Variants in KLHL14 observed in about 807,000 individuals in gnomAD.
KLHL14 encodes the protein kelch-like protein 14.
In KLHL14, 22 loss-of-function variants were observed where a neutral mutation model predicts 64.3. That is an observed-to-expected ratio of 0.34 (90% CI 0.24 to 0.49). KLHL14 has a LOEUF of 0.49. Among genes scored for constraint, KLHL14 ranks in the 20% least tolerant of loss-of-function variants. The pLI is 0.99. For synonymous variants in KLHL14, 322 were observed against 333.4 expected, an observed-to-expected ratio of 0.97 and a Z score of 0.37; for missense variants, 661 against 789.0, an observed-to-expected ratio of 0.84 and a Z score of 1.94.
chr18:32,694,934 G>A (rs2049929773), intron 4 of KLHL14, among the ~76,000 whole-genome samples: 2 of 152,148 alleles, frequency 1.3e-5, no homozygotes, highest in Admixed American at 6.6e-5. Flanking sequence ...TCACATCTAC[G>A]GGGAGGATGG....
At chr18:32,727,757 T>G (rs1598566146) in intron 3 of KLHL14, among the ~76,000 whole-genome samples, 1 of 152,338 alleles carries the variant, frequency 6.6e-6, no homozygotes, top group East Asian at 1.9e-4. Flanking sequence ...TTAATGATTA[T>G]GGTAATGAAA....
chr18:32,764,019 T>C (rs1027980610), intron 2 of KLHL14, among the ~76,000 whole-genome samples: 2 of 152,356 alleles, frequency 1.3e-5, no homozygotes, highest in East Asian at 3.9e-4. Flanking sequence ...TCAGGAATCC[T>C]GACATGCCCT....
intron 3 of KLHL14, among the ~76,000 whole-genome samples, chr18:32,740,287 T>C (rs149576838): frequency 0.013 from 1,912 of 152,322 alleles, 37 homozygotes; most frequent in African/African-American, 0.043. Context: ...AATCAACCTA[T>C]CTTTGAGCAA....
intron 8 of KLHL14, among the ~76,000 whole-genome samples, chr18:32,675,938 A>G (rs1391859315): frequency 6.6e-6 from 1 of 152,154 alleles, no homozygotes; most frequent in Non-Finnish European, 1.5e-5. Context: ...GGCAAAAGAA[A>G]TAAAACCAAA....
intron 2 of KLHL14, among the ~76,000 whole-genome samples, chr18:32,760,515 G>C (rs1304279590): frequency 1.3e-5 from 2 of 152,102 alleles, no homozygotes; most frequent in Non-Finnish European, 2.9e-5. Flanking sequence ...GCACCTGAAG[G>C]CACATAAGGC....
chr18:32,677,013 AC>A (rs2049814552), intron 8 of KLHL14, among the ~76,000 whole-genome samples, 159 bp downstream of exon 8: 1 of 152,194 alleles, frequency 6.6e-6, no homozygotes, highest in Admixed American at 6.6e-5. Context: ...TTCAACAGCC[AC>A]CAGGCTGATC....
intron 7 of KLHL14, among the ~76,000 whole-genome samples, chr18:32,679,223 T>C (rs1341186756): frequency 6.6e-6 from 1 of 152,156 alleles, no homozygotes; most frequent in Non-Finnish European, 1.5e-5. Context: ...CTGTTCAGGC[T>C]TTATTTCATC....
chr18:32,744,496 TA>T (rs2050214851), intron 2 of KLHL14: 1 of 141,054 alleles, frequency 7.1e-6, no homozygotes, highest in Non-Finnish European at 1.5e-5. Flanking sequence ...AAAAAAAAAT[TA>T]GCTAGGTGTG....
chr18:32,728,519 C>G (rs890489005), intron 3 of KLHL14, among the ~76,000 whole-genome samples: 1 of 152,040 alleles, frequency 6.6e-6, no homozygotes, highest in Non-Finnish European at 1.5e-5. Context: ...AATTGTGTCT[C>G]CATGAAAAGT....
chr18:32,704,637 G>A (rs2049981607), intron 3 of KLHL14, among the ~76,000 whole-genome samples: 1 of 152,014 alleles, frequency 6.6e-6, no homozygotes. Context: ...CAGGACAATC[G>A]CTTGAACCCA....
intron 3 of KLHL14, among the ~76,000 whole-genome samples, chr18:32,720,897 G>A (rs1052487040): frequency 6.6e-6 from 1 of 152,032 alleles, no homozygotes; most frequent in South Asian, 2.1e-4. Context: ...GGCCCATCAG[G>A]CTTCTTCACA....
chr18:32,693,413 C>CACACACAGAGAGAGAGAGAGAG (rs1229737083), intron 4 of KLHL14, among the ~76,000 whole-genome samples: 1 of 97,034 alleles, frequency 1.0e-5, no homozygotes, highest in African/African-American at 4.8e-5. Context: ...CACACACACA[C>CACACACAGAGAGAGAGAGAGAG]AGAGAGAGAG....
At chr18:32,771,782 T>A (rs1311678887) in intron 1 of KLHL14, among the ~76,000 whole-genome samples, 1 of 19,916 alleles carries the variant, frequency 5.0e-5, no homozygotes, top group African/African-American at 1.9e-4. Flanking sequence ...GGGGGAGGGG[T>A]GGGGGCTGTC....
intron 3 of KLHL14, among the ~76,000 whole-genome samples, chr18:32,727,255 C>T (rs546576985): frequency 6.6e-6 from 1 of 152,206 alleles, no homozygotes; most frequent in African/African-American, 2.4e-5. Flanking sequence ...AGAAAGGTTA[C>T]TCTGCCTAGC....
At chr18:32,741,363 C>T (rs950542458) in intron 3 of KLHL14, among the ~76,000 whole-genome samples, 2 of 152,132 alleles carry the variant, frequency 1.3e-5, no homozygotes, top group Non-Finnish European at 2.9e-5. Flanking sequence ...GAGAAGAATC[C>T]TGGGTAGAAG....
At chr18:32,728,372 A>G (rs2050117943) in intron 3 of KLHL14, among the ~76,000 whole-genome samples, 1 of 152,206 alleles carries the variant, frequency 6.6e-6, no homozygotes, top group South Asian at 2.1e-4. Flanking sequence ...CCATTTCTGC[A>G]TCTTAAGTAG....
intron 3 of KLHL14, among the ~76,000 whole-genome samples, chr18:32,725,170 G>C (rs1426982956): frequency 6.6e-6 from 1 of 151,884 alleles, no homozygotes; most frequent in Non-Finnish European, 1.5e-5. Context: ...GGGACTACAG[G>C]CATACACCAA....
intron 2 of KLHL14, among the ~76,000 whole-genome samples, chr18:32,750,051 G>A (rs1235445263): frequency 1.3e-5 from 2 of 151,216 alleles, no homozygotes; most frequent in Admixed American, 6.6e-5. Context: ...GAGAGAGAGA[G>A]GAGAGCACAC....
At chr18:32,761,559 T>C (rs1265679104) in intron 2 of KLHL14, among the ~76,000 whole-genome samples, 2 of 152,140 alleles carry the variant, frequency 1.3e-5, no homozygotes, top group Non-Finnish European at 2.9e-5. Context: ...TCTTATACCT[T>C]TGTTGCAGAG....
Sources: gnomAD v4.1 joint callset for allele counts (sites outside exome capture counted in the v4.1 genomes callset) on GRCh38, gnomAD v4.1.1 for gene constraint, MANE v1.5 for transcripts, NCBI Gene and HGNC (gene_info 2026-07-23, HGNC 2026-07-21) for gene names.